GALNT17: variants seen among roughly 807,000 people sequenced by gnomAD.
The protein encoded by GALNT17 is polypeptide N-acetylgalactosaminyltransferase 17.
Under a neutral mutation model 63.7 loss-of-function variants are expected in GALNT17, and 29 were observed. That is an observed-to-expected ratio of 0.46 (90% CI 0.34 to 0.62). The LOEUF is 0.62. GALNT17 is among the 20% of genes least tolerant of loss of function. The pLI, the probability that GALNT17 is intolerant of heterozygous loss-of-function variation, is 0.01. For synonymous variants in GALNT17, 305 were observed against 318.3 expected, an observed-to-expected ratio of 0.96 and a Z score of 0.45; for missense variants, 603 against 799.6, an observed-to-expected ratio of 0.75 and a Z score of 2.97.
intron 2 of GALNT17, among the ~76,000 whole-genome samples, chr7:71,383,749 C>T (rs1792887696): frequency 6.6e-6 from 1 of 151,988 alleles, no homozygotes; most frequent in Admixed American, 6.6e-5. Context: ...TTTTTTTTAT[C>T]TTGATTTTGG....
At chr7:71,480,246 A>C (rs1787795321) in intron 5 of GALNT17, among the ~76,000 whole-genome samples, 1 of 129,468 alleles carries the variant, frequency 7.7e-6, no homozygotes, top group Admixed American at 9.6e-5. Context: ...GCTCACTTCA[A>C]CTTCTGCCTC....
At chr7:71,669,725 C>T (rs1196904522) in intron 7 of GALNT17, among the ~76,000 whole-genome samples, 1 of 151,892 alleles carries the variant, frequency 6.6e-6, no homozygotes, top group African/African-American at 2.4e-5. Context: ...CCATGCCCAG[C>T]TAATTTTTTG....
intron 6 of GALNT17, among the ~76,000 whole-genome samples, chr7:71,604,177 T>C (rs910631771): frequency 8.3e-6 from 1 of 120,084 alleles, no homozygotes; most frequent in Non-Finnish European, 2.0e-5. Flanking sequence ...TAAGCGCATA[T>C]ACCAGATACT....
At chr7:71,306,397 A>T (rs1791297861) in intron 1 of GALNT17, among the ~76,000 whole-genome samples, 1 of 151,230 alleles carries the variant, frequency 6.6e-6, no homozygotes, top group Non-Finnish European at 1.5e-5. Flanking sequence ...AACTCCCCCT[A>T]CCTGCTGTCA....
chr7:71,204,308 C>G (rs1173367568), intron 1 of GALNT17, among the ~76,000 whole-genome samples: 1 of 151,996 alleles, frequency 6.6e-6, no homozygotes, highest in East Asian at 1.9e-4. Context: ...TATCTTTGTA[C>G]TATATTTTGA....
At chr7:71,162,123 C>CCCTCCCTCCCTTCCTTCCTT (rs1554334487) in intron 1 of GALNT17, among the ~76,000 whole-genome samples, 3 of 53,780 alleles carry the variant, frequency 5.6e-5, no homozygotes, top group African/African-American at 3.7e-4. Flanking sequence ...CTCCCTCCCT[C>CCCTCCCTCCCTTCCTTCCTT]CCTTCCTTCC....
At chr7:71,487,889 C>T (rs4299888) in intron 5 of GALNT17, among the ~76,000 whole-genome samples, 148,739 of 152,180 alleles carry the variant, frequency 0.98, 72,771 homozygotes, top group East Asian at 1. Flanking sequence ...GTTTTGGAGC[C>T]GGGCATGGTA....
intron 6 of GALNT17, among the ~76,000 whole-genome samples, chr7:71,634,475 C>T (rs1223930135): frequency 2.0e-5 from 3 of 152,140 alleles, no homozygotes; most frequent in Non-Finnish European, 4.4e-5. Context: ...AAATATAAGC[C>T]AGGCACGGTG....
chr7:71,381,801 C>T (rs1186835796), intron 2 of GALNT17, among the ~76,000 whole-genome samples: 1 of 152,058 alleles, frequency 6.6e-6, no homozygotes, highest in African/African-American at 2.4e-5. Flanking sequence ...AGAAAAGAAA[C>T]CTGCGGCGCA....
intron 5 of GALNT17, among the ~76,000 whole-genome samples, chr7:71,570,072 T>G (rs1023269624): frequency 6.6e-6 from 1 of 151,926 alleles, no homozygotes; most frequent in Non-Finnish European, 1.5e-5. Context: ...TGTTTTTTTT[T>G]TTTAACTTTT....
chr7:71,329,462 T>C (rs142579677), intron 1 of GALNT17, among the ~76,000 whole-genome samples: 250 of 152,210 alleles, frequency 1.6e-3, no homozygotes, highest in South Asian at 6.0e-3. Flanking sequence ...CAGTGGAGCG[T>C]GTCTGTATTA....
chr7:71,499,746 A>G (rs1042369318), intron 5 of GALNT17, among the ~76,000 whole-genome samples: 2 of 152,192 alleles, frequency 1.3e-5, no homozygotes, highest in Admixed American at 1.3e-4. Context: ...TTCTTCCTCC[A>G]TCAAGCCAAC....
intron 6 of GALNT17, among the ~76,000 whole-genome samples, chr7:71,627,928 C>T (rs1014570417): frequency 3.9e-5 from 6 of 151,966 alleles, no homozygotes; most frequent in Non-Finnish European, 8.8e-5. Context: ...GCCAACAGGG[C>T]AATAATTGGT....
chr7:71,622,980 C>G (rs1481448572), intron 6 of GALNT17, among the ~76,000 whole-genome samples: 2 of 152,162 alleles, frequency 1.3e-5, no homozygotes, highest in Admixed American at 1.3e-4. Context: ...CCATCTTATG[C>G]TCTTCAAGTT....
At chr7:71,649,569 G>C (rs1171346024) in intron 6 of GALNT17, among the ~76,000 whole-genome samples, 1 of 151,844 alleles carries the variant, frequency 6.6e-6, no homozygotes, top group African/African-American at 2.4e-5. Flanking sequence ...TCCTTGGTGG[G>C]GGTCTTCAGA....
chr7:71,608,744 C>A (rs1790082100), intron 6 of GALNT17, among the ~76,000 whole-genome samples: 1 of 151,886 alleles, frequency 6.6e-6, no homozygotes, highest in African/African-American at 2.4e-5. Flanking sequence ...ACCGAAAAAC[C>A]AGCAACTGGA....
intron 1 of GALNT17, among the ~76,000 whole-genome samples, chr7:71,156,718 C>T (rs1448275266): frequency 7.2e-6 from 1 of 139,198 alleles, no homozygotes; most frequent in East Asian, 2.5e-4. Context: ...CTCTCTCTCT[C>T]TTTTCCTTCT....
At chr7:71,262,757 T>A (rs1325626739) in intron 1 of GALNT17, among the ~76,000 whole-genome samples, 1 of 148,184 alleles carries the variant, frequency 6.7e-6, no homozygotes, top group Non-Finnish European at 1.5e-5. Context: ...CTTGGCTCAC[T>A]GCAACCTCTG....
chr7:71,175,753 A>C (rs1438587285), intron 1 of GALNT17, among the ~76,000 whole-genome samples: 1 of 152,150 alleles, frequency 6.6e-6, no homozygotes, highest in Non-Finnish European at 1.5e-5. Flanking sequence ...TAATGACAAC[A>C]GGCTAGGCAT....
Sources: allele counts gnomAD v4.1 joint callset (sites outside exome capture counted in the v4.1 genomes callset), GRCh38; gene constraint gnomAD v4.1.1; transcripts MANE v1.5; gene names NCBI Gene and HGNC (gene_info 2026-07-23, HGNC 2026-07-21).